The following TENM4 variants were observed in gnomAD, a reference collection of about 807,000 sequenced individuals.
TENM4 encodes the protein teneurin-4.
Under a neutral mutation model 243.3 loss-of-function variants are expected in TENM4, and 82 were observed. The ratio of observed to expected loss-of-function variants is 0.34; its 90% CI spans 0.28 to 0.40. The LOEUF is 0.40. Ranked by LOEUF, TENM4 falls within the 10% of genes least tolerant of loss-of-function variation. The probability of loss-of-function intolerance (pLI) is 1.00; values close to 1 mark genes in which losing one functional copy is unlikely to be tolerated. For missense variants in TENM4, 3,138 were observed against 3,673.3 expected (o/e 0.85, Z 3.77); for synonymous variants, 1,412 against 1,456.3 (o/e 0.97, Z 0.69).
chr11:79,190,086 G>A (rs2135159961), intron 3 of TENM4, among the ~76,000 whole-genome samples: 1 of 152,294 alleles, frequency 6.6e-6, no homozygotes, highest in Middle Eastern at 3.4e-3. Flanking sequence ...TGCTCCTACT[G>A]CAGCTTGAAA....
intron 4 of TENM4, among the ~76,000 whole-genome samples, chr11:79,110,299 G>C (rs1293368242): frequency 6.6e-6 from 1 of 152,196 alleles, no homozygotes; most frequent in African/African-American, 2.4e-5. Context: ...ACAGCACACA[G>C]AGAATCTGGT....
chr11:79,193,465 A>G (rs1863558218), intron 3 of TENM4, among the ~76,000 whole-genome samples: 2 of 152,182 alleles, frequency 1.3e-5, no homozygotes, highest in Admixed American at 1.3e-4. Context: ...TGTCTGGTGC[A>G]TTGGACTGAG....
chr11:79,018,870 A>G (rs566780082), intron 6 of TENM4, among the ~76,000 whole-genome samples: 1 of 152,342 alleles, frequency 6.6e-6, no homozygotes, highest in Admixed American at 6.5e-5. Flanking sequence ...TTTAGAGATG[A>G]GCTAGTACAA....
At chr11:79,413,376 A>ATAGCCTT (rs35781483) in intron 1 of TENM4, among the ~76,000 whole-genome samples, 26,195 of 152,104 alleles carry the variant, frequency 0.17, 2,392 homozygotes, top group Middle Eastern at 0.2. Flanking sequence ...CTTGGACTCC[A>ATAGCCTT]TAGCCTTTTC....
rs577246141 is a variant in TENM4, at chr11:79,292,303, T to G, written c.-265+5185A>C. 2.0e-5 allele frequency among the ~76,000 whole-genome samples: 3 copies of G among 152,246 alleles called. No homozygotes were observed. The East Asian group carries it at 5.8e-4, about 29-fold the overall frequency. On this transcript the variant is annotated intron_variant, in intron 2 of 33. Transcript: ENST00000278550. ...ACCAATGAGCATGCTGTAGTGGACT[T>G]GCCAAACTCAAGAAATACTCACAGT...
At chr11:78,666,588 G>T (rs1383083633) in intron 32 of TENM4, among the ~76,000 whole-genome samples, 1 of 152,206 alleles carries the variant, frequency 6.6e-6, no homozygotes, top group East Asian at 1.9e-4. Context: ...AATGTTAGGT[G>T]CCCCTTGATG....
intron 2 of TENM4, among the ~76,000 whole-genome samples, chr11:79,217,403 A>C (rs907358568): frequency 6.6e-6 from 1 of 152,198 alleles, no homozygotes; most frequent in African/African-American, 2.4e-5. Flanking sequence ...ACACTTAGGC[A>C]TAGGAGGTTA....
At chr11:78,694,236 C>T (rs1424307208) in intron 28 of TENM4, among the ~76,000 whole-genome samples, 1 of 152,196 alleles carries the variant, frequency 6.6e-6, no homozygotes, top group Non-Finnish European at 1.5e-5. Context: ...ATTTGTATGA[C>T]TTTCATTTCT....
chr11:79,291,448 G>A (rs1856355285), intron 2 of TENM4, among the ~76,000 whole-genome samples: 1 of 152,092 alleles, frequency 6.6e-6, no homozygotes. Flanking sequence ...GCATGGTCAT[G>A]GGGGGGTGTG....
intron 6 of TENM4, among the ~76,000 whole-genome samples, chr11:78,942,942 G>A (rs1000219186): frequency 1.3e-5 from 2 of 152,086 alleles, no homozygotes; most frequent in Non-Finnish European, 2.9e-5. Flanking sequence ...CCACGGTACT[G>A]TGTCTTTCCA....
intron 15 of TENM4, among the ~76,000 whole-genome samples, chr11:78,790,410 G>GT (rs1857029241): frequency 6.6e-6 from 1 of 152,244 alleles, no homozygotes; most frequent in South Asian, 2.1e-4. Context: ...ATTTCACAGG[G>GT]TTGGTGTTAG....
At chr11:78,695,676 CT>C (rs60299781) in intron 28 of TENM4, among the ~76,000 whole-genome samples, 24 of 146,640 alleles carry the variant, frequency 1.6e-4, no homozygotes, top group Admixed American at 6.8e-4. Flanking sequence ...GACAGTTTTT[CT>C]TTTTTTTTTT....
At chr11:78,697,338 C>CT (rs1858993530) in intron 28 of TENM4, among the ~76,000 whole-genome samples, 1 of 152,202 alleles carries the variant, frequency 6.6e-6, no homozygotes, top group African/African-American at 2.4e-5. Context: ...CTGCAAGACT[C>CT]TGTCTCTCCT....
At chr11:79,132,179 A>C (rs1435668533) in intron 4 of TENM4, among the ~76,000 whole-genome samples, 1 of 151,050 alleles carries the variant, frequency 6.6e-6, no homozygotes, top group African/African-American at 2.4e-5. Context: ...TGTCTCTACT[A>C]AAAATACAAA....
chr11:79,063,522 G>A (rs776377177), intron 6 of TENM4, among the ~76,000 whole-genome samples: 74 of 152,300 alleles, frequency 4.9e-4, no homozygotes, highest in East Asian at 7.7e-4. Flanking sequence ...AGGTGCTGGG[G>A]CTGTTCCTGG....
chr11:79,404,550 T>C (rs1027875401), intron 1 of TENM4, among the ~76,000 whole-genome samples: 1 of 152,198 alleles, frequency 6.6e-6, no homozygotes, highest in African/African-American at 2.4e-5. Flanking sequence ...CACAACACTG[T>C]GAATGTTTTA....
intron 3 of TENM4, among the ~76,000 whole-genome samples, chr11:79,210,111 T>C (rs1369153685): frequency 6.6e-6 from 1 of 152,202 alleles, no homozygotes; most frequent in Admixed American, 6.5e-5. Context: ...TACTCAATAT[T>C]TACATAGGAA....
At chr11:79,107,193 A>T (rs1376646404) in intron 4 of TENM4, among the ~76,000 whole-genome samples, 1 of 152,234 alleles carries the variant, frequency 6.6e-6, no homozygotes, top group African/African-American at 2.4e-5. Flanking sequence ...TACAGGGTCC[A>T]TATCATAATC....
chr11:78,672,290 C>G lies in TENM4; in HGVS notation c.5536G>C (p.Val1846Leu). ...TCATAGATCTTCTCTGTGCGTGTTA[C>G]GCGATCAAAGTCCAGAGATAGGAGA... ...RNLLSLDFDR[V>L]TRTEKIYDDH... is the part of the protein sequence containing the mutation. The change falls in exon 31 of 34, where the codon GTA (valine) becomes CTA (leucine). Residue 1846 changes from valine to leucine, a missense_variant. Transcript: ENST00000278550. 2 of 1,613,166 alleles carry G rather than the reference C, an allele frequency of 1.2e-6. No homozygotes were observed. Among genetic ancestry groups the G allele is most frequent in the Non-Finnish European group, 1.7e-6 (2 of 1,179,172 alleles).
Sources: allele counts gnomAD v4.1 joint callset (sites outside exome capture counted in the v4.1 genomes callset), GRCh38; gene constraint gnomAD v4.1.1; transcripts MANE v1.5; gene names NCBI Gene and HGNC (gene_info 2026-07-23, HGNC 2026-07-21).